The following WDR31 variants were observed in gnomAD, a reference collection of about 807,000 sequenced individuals.
WDR31 encodes WD repeat domain 31.
WDR31 carries 30 observed loss-of-function variants against 47.3 expected under a neutral mutation model. The observed-to-expected ratio is 0.63, with a 90% CI of 0.47 to 0.86. WDR31 has a LOEUF of 0.86. Among genes scored for constraint, WDR31 ranks in the 40% least tolerant of loss-of-function variants. WDR31 has a pLI of 0.00. For missense variants in WDR31, 406 were observed against 442.9 expected (o/e 0.92, Z 0.75); for synonymous variants, 137 against 159.4 (o/e 0.86, Z 1.06).
At position 113,328,904 on chromosome 9, in the gene WDR31, C is replaced by G; in HGVS notation, c.301G>C (p.Gly101Arg). The change falls in exon 5 of 11, where the codon GGA becomes CGA. Residue 101 changes from glycine (G) to arginine (R), a missense_variant. Gly to Arg is a moderately radical substitution (Grantham distance 125). Coordinates refer to ENST00000374193, the MANE Select transcript of WDR31 (RefSeq NM_001012361.4). ...ACCTTGGTGATCTCATGTTCATGTC[C>G]TTTGAACCTTTTCACCACATTTCCA... Reference protein sequence around the residue: ...KTGNVVKRFKGHEHEITKVAC... With the variant: ...KTGNVVKRFKRHEHEITKVAC... The G allele has an allele frequency of 6.2e-7, 1 of 1,614,040 alleles. No homozygotes were observed. Among genetic ancestry groups the G allele is most frequent in the Non-Finnish European group, 8.5e-7 (1 of 1,179,920 alleles).
chr9:113,330,131 T>C (rs113460145), intron 4 of WDR31, among the ~76,000 whole-genome samples: 4,284 of 152,206 alleles, frequency 0.028, 206 homozygotes, highest in African/African-American at 0.097. Flanking sequence ...GACAGAGTCT[T>C]GCTCTGTCAC....
intron 9 of WDR31, among the ~76,000 whole-genome samples, chr9:113,319,754 C>T (rs1185588092): frequency 6.6e-6 from 1 of 152,120 alleles, no homozygotes; most frequent in Non-Finnish European, 1.5e-5. Flanking sequence ...AAAGCTTGAG[C>T]TTCTTTTACT....
chr9:113,321,641 T>C, intron 7 of WDR31, 63 bp from the exon 8 acceptor site: 2 of 1,479,006 alleles, frequency 1.4e-6, no homozygotes, highest in Non-Finnish European at 1.9e-6. Flanking sequence ...GTAATTCCTG[T>C]CAAATGTGCT....
At chr9:113,335,592 TA>T (rs528327777) in intron 2 of WDR31, among the ~76,000 whole-genome samples, 10 of 152,222 alleles carry the variant, frequency 6.6e-5, no homozygotes, top group Middle Eastern at 3.4e-3. Context: ...CCATTAGCAT[TA>T]AAAAAATGGA....
At position 113,315,676 on chromosome 9, in the gene WDR31, T is replaced by TC. The variant is rs112038522; in HGVS notation, c.*1072_*1073insG. 1 of 151,822 alleles carries TC rather than the reference T, an allele frequency of 6.6e-6. No individual in the cohort carries two copies. Among genetic ancestry groups the TC allele is most frequent in the Non-Finnish European group, 1.5e-5 (1 of 67,992 alleles). The allele number at this position is 151,822 out of a possible 1,614,324, so 9.4% of individuals were successfully genotyped here. ...TTCCTGTATGTGGTTTTTTGTTTTTTTTTTTTTCAAGACAAGGTCTCATTC... is the reference window on the plus strand; with the variant it reads ...TTCCTGTATGTGGTTTTTTGTTTTTTCTTTTTTTCAAGACAAGGTCTCATTC... On this transcript the variant is annotated 3_prime_UTR_variant, in exon 11 of 11. Coordinates refer to ENST00000374193, the MANE Select transcript of WDR31 (RefSeq NM_001012361.4).
At position 113,314,747 on chromosome 9, in the gene WDR31, C is replaced by T. The variant is rs999679684; in HGVS notation, c.*2002G>A. ...CTCCCGCCTCAGGCTCCCCAGGTAGCTGGGATTACAGGCATGCACCACCAC... is the reference window on the plus strand; with the variant it reads ...CTCCCGCCTCAGGCTCCCCAGGTAGTTGGGATTACAGGCATGCACCACCAC... On this transcript the variant is annotated 3_prime_UTR_variant, in exon 11 of 11. Transcript: ENST00000374193. 1 of 152,354 alleles carries T rather than the reference C, an allele frequency of 6.6e-6. No homozygotes were observed. The highest frequency in any genetic ancestry group is 1.5e-5 in the Non-Finnish European group (1 of 68,240). The allele number at this position is 152,354 out of a possible 1,614,324, so 9.4% of individuals were successfully genotyped here.
rs764159753 is a variant in WDR31 at position 113,318,525 on chromosome 9, G to A, written c.893C>T (p.Ala298Val). 6 of 1,614,118 alleles carry A rather than the reference G, an allele frequency of 3.7e-6. No individual in the cohort carries two copies. The highest frequency in any genetic ancestry group is 3.3e-4 in the Middle Eastern group (2 of 6,084). ...PRALALMPLI[A>V]TSSHDCKVKI... is the part of the protein sequence containing the mutation. ...CACCTTGCAATCATGTGATGAGGTA[G>A]CAATTAAAGGCATCAAGGCCAATGC... The change falls in exon 10 of 11, where the codon GCT becomes GTT. Residue 298 changes from alanine (A) to valine (V), a missense_variant. Ala to Val is a moderately conservative substitution (Grantham distance 64). Transcript: ENST00000374193.
chr9:113,321,444 G>A, intron 8 of WDR31, 67 bp downstream of exon 8: 6 of 1,477,930 alleles, frequency 4.1e-6, no homozygotes, highest in Non-Finnish European at 5.7e-6. Flanking sequence ...AGTGGGAATG[G>A]AGCCATGTAT....
At chr9:113,326,962 A>C (rs1345707090) in intron 5 of WDR31, among the ~76,000 whole-genome samples, 1 of 151,830 alleles carries the variant, frequency 6.6e-6, no homozygotes, top group Non-Finnish European at 1.5e-5. Flanking sequence ...CAGCTTCCTG[A>C]GTAGCTGGGA....
At position 113,318,480 on chromosome 9, in the gene WDR31, G is replaced by T. The variant is rs746472964; in HGVS notation, c.938C>A (p.Thr313Asn). Residue 313 changes from threonine (T) to asparagine (N), a missense_variant, in exon 10 of 11, where the codon ACT (threonine) becomes AAT (asparagine). Physicochemically the swap from Thr to Asn is moderately conservative, Grantham distance 65 (BLOSUM62 0). Coordinates refer to ENST00000374193, the MANE Select transcript of WDR31 (RefSeq NM_001012361.4). Reference protein sequence around the residue: ...DCKVKIWNQDTGACLFTLSLD... With the variant: ...DCKVKIWNQDNGACLFTLSLD... Reference sequence around the variant, plus strand: ...ACTAACAGCAGGCTGCTTACCTCCAGTATCTTGGTTCCAAATCTTCACCTT... The same window carrying T: ...ACTAACAGCAGGCTGCTTACCTCCATTATCTTGGTTCCAAATCTTCACCTT... 7 of 1,614,088 alleles carry T rather than the reference G, an allele frequency of 4.3e-6. No homozygotes were observed. In the East Asian group the frequency reaches 1.6e-4, roughly 36 times the overall value.
intron 3 of WDR31, among the ~76,000 whole-genome samples, chr9:113,331,632 A>C (rs1282267896): frequency 6.6e-6 from 1 of 152,132 alleles, no homozygotes; most frequent in Non-Finnish European, 1.5e-5. Context: ...TTTTTTGTAG[A>C]GATGGGGTTT....
intron 7 of WDR31, 43 bp downstream of exon 7, chr9:113,322,768 C>T: frequency 6.3e-7 from 1 of 1,594,622 alleles, no homozygotes; most frequent in South Asian, 1.1e-5. Context: ...TCACCCCATG[C>T]TCCTTTCTGC....
intron 1 of WDR31, among the ~76,000 whole-genome samples, chr9:113,339,431 T>C (rs1833782780): frequency 6.6e-6 from 1 of 152,166 alleles, no homozygotes; most frequent in African/African-American, 2.4e-5. Flanking sequence ...ACTTCTGTCT[T>C]ACACTCTGGG....
chr9:113,319,684 G>A (rs967309069), intron 9 of WDR31, among the ~76,000 whole-genome samples: 4 of 152,136 alleles, frequency 2.6e-5, no homozygotes, highest in Admixed American at 6.6e-5. Context: ...ATGTAAGGAA[G>A]GTACATGAGT....
chr9:113,316,723 T>C lies in WDR31; in HGVS notation c.*26A>G, dbSNP rs1833210796. The C allele has an allele frequency of 6.2e-7, 1 of 1,605,822 alleles. No homozygotes were observed. The highest frequency in any genetic ancestry group is 1.1e-5 in the South Asian group (1 of 89,700). On this transcript the variant is annotated 3_prime_UTR_variant, in exon 11 of 11. Coordinates refer to ENST00000374193, the MANE Select transcript of WDR31 (RefSeq NM_001012361.4). Reference sequence around the variant, plus strand: ...ATGCTGAGGAGGAGCCATGGTTTGATATTGTCCAGTGAGTGTCTCTTGGCC... The same window carrying C: ...ATGCTGAGGAGGAGCCATGGTTTGACATTGTCCAGTGAGTGTCTCTTGGCC...
At chr9:113,334,365 C>G (rs1219188766) in intron 2 of WDR31, among the ~76,000 whole-genome samples, 1 of 151,994 alleles carries the variant, frequency 6.6e-6, no homozygotes, top group East Asian at 1.9e-4. Context: ...TAGAAATTTG[C>G]AAAAACATAA....
Position 113,314,096 on chromosome 9 carries a change from C to T in WDR31, c.*2653G>A, listed in dbSNP as rs1321183006. 1 of 126,856 alleles carries T rather than the reference C, an allele frequency of 7.9e-6. No homozygotes were observed. The highest frequency in any genetic ancestry group is 3.0e-5 in the African/African-American group (1 of 33,526). 7.9% of individuals were successfully genotyped at this position (126,856 alleles called of 1,614,324 possible). A position where few individuals can be genotyped will look rare whatever the true frequency, so the allele number is the denominator to read the frequency against. On this transcript the variant is annotated 3_prime_UTR_variant, in exon 11 of 11. Transcript: ENST00000374193. ...AATGGCGTCAACCCGGGAGGCGGAG[C>T]TTGCAGCGAGCCGAGATTGCACCAC...
chr9:113,318,839 C>A (rs1833267487), intron 9 of WDR31, among the ~76,000 whole-genome samples: 1 of 152,184 alleles, frequency 6.6e-6, no homozygotes, highest in Admixed American at 6.5e-5. Context: ...TTATTTTAAG[C>A]CTCAACTATG....
rs373534276 is a variant in WDR31 at position 113,322,947 on chromosome 9, G to A, written c.470-36C>T. ...AATGGTGAGAAGACAGCCTGTGAGTGGGGACCTGAACGGGGCTTTTCAGAA... is the reference window on the plus strand; with the variant it reads ...AATGGTGAGAAGACAGCCTGTGAGTAGGGACCTGAACGGGGCTTTTCAGAA... On this transcript the variant is annotated intron_variant, in intron 6 of 10. Coordinates refer to ENST00000374193, the MANE Select transcript of WDR31 (RefSeq NM_001012361.4). 328 of 1,613,844 alleles carry A rather than the reference G, an allele frequency of 2.0e-4. 1 individual carries two copies. Among genetic ancestry groups the A allele is most frequent in the Admixed American group, 3.7e-4 (22 of 59,988 alleles).
Sources: gnomAD v4.1 joint callset for allele counts (sites outside exome capture counted in the v4.1 genomes callset) on GRCh38, gnomAD v4.1.1 for gene constraint, MANE v1.5 for transcripts, NCBI Gene and HGNC (gene_info 2026-07-23, HGNC 2026-07-21) for gene names.